SLC9A9: variants seen among roughly 807,000 people sequenced by gnomAD.
SLC9A9 encodes sodium/hydrogen exchanger 9.
SLC9A9 carries 62 observed loss-of-function variants against 77.8 expected under a neutral mutation model. The observed-to-expected ratio is 0.80, with a 90% confidence interval of 0.65 to 0.98. SLC9A9 has a LOEUF of 0.98. SLC9A9 is among the 50% of genes least tolerant of loss of function. The pLI, the probability that SLC9A9 is intolerant of heterozygous loss-of-function variation, is 0.00. For synonymous variants in SLC9A9, 320 were observed against 283.5 expected (o/e 1.13, Z -1.29); for missense variants, 775 against 774.9 (o/e 1.00, Z 0.00).
intron 12 of SLC9A9, among the ~76,000 whole-genome samples, chr3:143,406,973 C>A (rs1396718958): frequency 1.6e-5 from 2 of 121,524 alleles, no homozygotes; most frequent in African/African-American, 3.1e-5. Flanking sequence ...GAAACTCCAT[C>A]TCGAGAAAAA....
In SLC9A9 at chr3:143,418,603, A is replaced by G. The variant is rs1049159614; in HGVS notation, c.1470-36489T>C. The stretch of plus-strand genomic sequence containing the variant: ...CTGTATTCTTAAGTCAGTGTGAAAC[A>G]AAGTCCTCAGCTGATGAGGAGCATG... On this transcript the variant is annotated intron_variant, in intron 12 of 15. Coordinates refer to ENST00000316549, the MANE Select transcript of SLC9A9 (RefSeq NM_173653.4). Among the ~76,000 whole-genome samples the G allele has an allele frequency of 1.1e-4, 16 of 152,288 alleles. No individual in the cohort carries two copies. In the East Asian group the frequency reaches 2.9e-3, roughly 28 times the overall value.
intron 5 of SLC9A9, among the ~76,000 whole-genome samples, chr3:143,686,750 C>A (rs541188306): frequency 7.2e-5 from 11 of 152,254 alleles, no homozygotes; most frequent in East Asian, 3.9e-4. Flanking sequence ...ATGAAAAAGA[C>A]AAGAGGAGAG....
chr3:143,618,956 T>G (rs1320074570), intron 6 of SLC9A9, among the ~76,000 whole-genome samples: 1 of 152,158 alleles, frequency 6.6e-6, no homozygotes, highest in Non-Finnish European at 1.5e-5. Context: ...TGCAGAACCA[T>G]GAAACCCTGC....
At chr3:143,397,493 C>T (rs1317036865) in intron 12 of SLC9A9, among the ~76,000 whole-genome samples, 1 of 152,190 alleles carries the variant, frequency 6.6e-6, no homozygotes, top group Admixed American at 6.5e-5. Context: ...AAATCCCAGA[C>T]TCTCAGGGGT....
intron 4 of SLC9A9, among the ~76,000 whole-genome samples, chr3:143,746,120 C>T (rs185869832): frequency 2.2e-4 from 33 of 152,270 alleles, no homozygotes; most frequent in Non-Finnish European, 4.3e-4. Context: ...GGCTAGTAGA[C>T]AGAATCTTAT....
chr3:143,309,959 T>TG (rs2030955802), intron 14 of SLC9A9, among the ~76,000 whole-genome samples: 2 of 152,266 alleles, frequency 1.3e-5, no homozygotes, highest in South Asian at 4.1e-4. Context: ...GAGCTCTGAC[T>TG]GGGCAATGGA....
intron 14 of SLC9A9, among the ~76,000 whole-genome samples, chr3:143,320,745 T>C (rs928217402): frequency 6.6e-6 from 1 of 152,196 alleles, no homozygotes; most frequent in African/African-American, 2.4e-5. Context: ...AAAACAATCA[T>C]ATGCCCCCAA....
chr3:143,279,002 G>T (rs1178881984), intron 14 of SLC9A9, among the ~76,000 whole-genome samples: 7 of 152,054 alleles, frequency 4.6e-5, no homozygotes, highest in African/African-American at 1.7e-4. Flanking sequence ...ATACTTTCTA[G>T]CACAGTTCTG....
chr3:143,701,571 A>G (rs1933803125), intron 4 of SLC9A9, among the ~76,000 whole-genome samples: 2 of 152,168 alleles, frequency 1.3e-5, no homozygotes, highest in African/African-American at 4.8e-5. Context: ...AGAAGAAAGA[A>G]TTAGTGAGCT....
intron 5 of SLC9A9, among the ~76,000 whole-genome samples, chr3:143,682,810 T>C (rs748532676): frequency 3.9e-5 from 6 of 152,162 alleles, no homozygotes; most frequent in Non-Finnish European, 8.8e-5. Context: ...TCTGCCCTTT[T>C]CTTTTATAGC....
intron 5 of SLC9A9, among the ~76,000 whole-genome samples, chr3:143,660,000 G>A (rs545694793): frequency 6.6e-5 from 10 of 152,310 alleles, no homozygotes; most frequent in Middle Eastern, 3.4e-3. Context: ...CGTGTAAGAC[G>A]TAACTTTGCT....
At chr3:143,759,099 T>C (rs1193645121) in intron 4 of SLC9A9, among the ~76,000 whole-genome samples, 1 of 152,176 alleles carries the variant, frequency 6.6e-6, no homozygotes, top group Non-Finnish European at 1.5e-5. Flanking sequence ...AAATAACTTG[T>C]CTGAAGTCTT....
At chr3:143,427,081 T>A (rs2108532643) in intron 12 of SLC9A9, among the ~76,000 whole-genome samples, 1 of 152,316 alleles carries the variant, frequency 6.6e-6, no homozygotes, top group Admixed American at 6.5e-5. Context: ...GAAAACAAAG[T>A]AAAAGTTTAA....
intron 6 of SLC9A9, among the ~76,000 whole-genome samples, chr3:143,607,421 A>C (rs187647829): frequency 5.3e-4 from 80 of 152,264 alleles, no homozygotes; most frequent in East Asian, 3.7e-3. Flanking sequence ...TTGTAAAATA[A>C]TAATGATTAC....
intron 14 of SLC9A9, among the ~76,000 whole-genome samples, chr3:143,355,257 A>G (rs1477836565): frequency 6.6e-6 from 1 of 152,276 alleles, no homozygotes; most frequent in African/African-American, 2.4e-5. Context: ...AGTATATAAA[A>G]TAATGGAAAT....
At chr3:143,749,996 T>G (rs2006657362) in intron 4 of SLC9A9, among the ~76,000 whole-genome samples, 1 of 152,180 alleles carries the variant, frequency 6.6e-6, no homozygotes, top group South Asian at 2.1e-4. Flanking sequence ...CCATTTTTTG[T>G]TATAAGATTA....
chr3:143,482,857 G>C (rs1010173889), intron 11 of SLC9A9, among the ~76,000 whole-genome samples: 16 of 152,128 alleles, frequency 1.1e-4, no homozygotes, highest in African/African-American at 3.6e-4. Context: ...GGTTTCAAGG[G>C]AACTGAGAGC....
At chr3:143,356,999 A>G (rs1446664747) in intron 14 of SLC9A9, among the ~76,000 whole-genome samples, 4 of 152,194 alleles carry the variant, frequency 2.6e-5, no homozygotes, top group African/African-American at 7.2e-5. Flanking sequence ...TTGCAGCCCA[A>G]TGCAAGCTGG....
At chr3:143,407,306 A>T (rs2034001091) in intron 12 of SLC9A9, among the ~76,000 whole-genome samples, 1 of 152,234 alleles carries the variant, frequency 6.6e-6, no homozygotes, top group Admixed American at 6.5e-5. Flanking sequence ...GCAAAGATAC[A>T]GCAGGACTCT....
Sources: gnomAD v4.1 joint callset for allele counts (sites outside exome capture counted in the v4.1 genomes callset) on GRCh38, gnomAD v4.1.1 for gene constraint, MANE v1.5 for transcripts, NCBI Gene and HGNC (gene_info 2026-07-23, HGNC 2026-07-21) for gene names.